Variants in ZBTB20 observed in about 807,000 individuals in gnomAD.
ZBTB20 encodes zinc finger and BTB domain-containing protein 20.
Under a neutral mutation model 56.9 loss-of-function variants are expected in ZBTB20, and 9 were observed. That is an observed-to-expected ratio of 0.16 (90% CI 0.10 to 0.28). The LOEUF (loss-of-function observed/expected upper bound fraction) is 0.28, where lower values mean the gene tolerates loss of function less well. Among genes scored for constraint, ZBTB20 ranks in the 10% least tolerant of loss-of-function variants. The pLI, the probability that ZBTB20 is intolerant of heterozygous loss-of-function variation, is 1.00. For missense variants in ZBTB20, 655 were observed against 1,003.0 expected, an observed-to-expected ratio of 0.65 and a Z score of 4.69; for synonymous variants, 417 against 420.7, an observed-to-expected ratio of 0.99 and a Z score of 0.11.
chr3:114,498,391 AAGAG>A (rs2109619218), intron 7 of ZBTB20, among the ~76,000 whole-genome samples: 1 of 152,292 alleles, frequency 6.6e-6, no homozygotes, highest in South Asian at 2.1e-4. Context: ...GAGGCCATTG[AAGAG>A]GCACTTGGAG....
intron 7 of ZBTB20, among the ~76,000 whole-genome samples, chr3:114,398,651 T>C (rs2086547584): frequency 1.3e-5 from 2 of 152,142 alleles, no homozygotes; most frequent in South Asian, 2.1e-4. Flanking sequence ...AAGTGATCCA[T>C]GAAAGGAATC....
intron 6 of ZBTB20, among the ~76,000 whole-genome samples, chr3:114,586,136 A>C (rs2055151364): frequency 6.6e-6 from 1 of 152,218 alleles, no homozygotes; most frequent in South Asian, 2.1e-4. Flanking sequence ...CATTAAGGGG[A>C]AATGGTTCCT....
intron 5 of ZBTB20, among the ~76,000 whole-genome samples, chr3:114,794,723 A>G (rs2071218548): frequency 6.6e-6 from 1 of 151,976 alleles, no homozygotes; most frequent in South Asian, 2.1e-4. Context: ...AAACAAACCA[A>G]TATCTCTATT....
At chr3:114,663,434 A>T (rs1217686738) in intron 6 of ZBTB20, among the ~76,000 whole-genome samples, 2 of 148,308 alleles carry the variant, frequency 1.3e-5, no homozygotes, top group Admixed American at 6.7e-5. Flanking sequence ...CTGCAAAATC[A>T]TGCCAAAATG....
At chr3:114,812,771 G>A (rs1171008188) in intron 4 of ZBTB20, among the ~76,000 whole-genome samples, 1 of 152,220 alleles carries the variant, frequency 6.6e-6, no homozygotes, top group African/African-American at 2.4e-5. Context: ...GGGAGGCTCG[G>A]GCCGCACAGG....
chr3:115,040,125 T>C (rs951490333), intron 2 of ZBTB20, among the ~76,000 whole-genome samples: 1 of 152,122 alleles, frequency 6.6e-6, no homozygotes, highest in Non-Finnish European at 1.5e-5. Flanking sequence ...CAAAGTTACA[T>C]ATATAATTTT....
At chr3:114,842,053 A>C (rs2074406626) in intron 4 of ZBTB20, among the ~76,000 whole-genome samples, 1 of 152,086 alleles carries the variant, frequency 6.6e-6, no homozygotes. Context: ...CTCTCTTTTG[A>C]CTCTCAAACA....
At chr3:114,578,273 G>A (rs1559986264) in intron 6 of ZBTB20, among the ~76,000 whole-genome samples, 1 of 151,988 alleles carries the variant, frequency 6.6e-6, no homozygotes, top group Non-Finnish European at 1.5e-5. Flanking sequence ...AAAAATTGTA[G>A]CAAGAAGAAT....
chr3:114,837,011 A>G (rs954090472), intron 4 of ZBTB20, among the ~76,000 whole-genome samples: 1 of 152,088 alleles, frequency 6.6e-6, no homozygotes, highest in African/African-American at 2.4e-5. Context: ...TTCTTTGCCT[A>G]TTCTGTCTCT....
intron 5 of ZBTB20, among the ~76,000 whole-genome samples, chr3:114,754,380 C>T (rs2067840452): frequency 6.6e-6 from 1 of 152,116 alleles, no homozygotes. Flanking sequence ...CCCTCTCATC[C>T]TAGTTTTGGG....
At chr3:114,903,081 T>C (rs2075183838) in intron 3 of ZBTB20, among the ~76,000 whole-genome samples, 1 of 152,102 alleles carries the variant, frequency 6.6e-6, no homozygotes, top group South Asian at 2.1e-4. Context: ...ATTTGTGTGA[T>C]CAGTGATCCA....
At position 114,329,724 on chromosome 3, in the gene ZBTB20, A is replaced by AC. The variant is rs1318053638; in HGVS notation, c.*9280_*9281insG. On this transcript the variant is annotated 3_prime_UTR_variant, in exon 12 of 12. Coordinates refer to ENST00000675478, the MANE Select transcript of ZBTB20 (RefSeq NM_001348800.3). The stretch of plus-strand genomic sequence containing the variant: ...ACTTTTTTTGGAAAAAAAAAAAAAA[A>AC]AAAAAAAAAAAAACAACTCCCAGGA... The AC allele has an allele frequency of 1.4e-4, 21 of 147,298 alleles. No individual in the cohort carries two copies. The highest frequency in any genetic ancestry group is 4.1e-4 in the African/African-American group (16 of 38,586). 9.1% of individuals were successfully genotyped at this position (147,298 alleles called of 1,614,324 possible).
At chr3:114,789,180 A>G (rs1373716621) in intron 5 of ZBTB20, among the ~76,000 whole-genome samples, 1 of 152,168 alleles carries the variant, frequency 6.6e-6, no homozygotes, top group Admixed American at 6.6e-5. Context: ...TATGTGTTCA[A>G]ATTTGGTCAT....
At chr3:114,789,965 A>G (rs980344899) in intron 5 of ZBTB20, among the ~76,000 whole-genome samples, 7 of 152,136 alleles carry the variant, frequency 4.6e-5, no homozygotes, top group Non-Finnish European at 2.9e-5. Flanking sequence ...GTAAACATTT[A>G]TCTTATACAC....
chr3:114,913,283 G>A (rs759198494), intron 3 of ZBTB20, among the ~76,000 whole-genome samples: 6 of 151,950 alleles, frequency 3.9e-5, no homozygotes, highest in Non-Finnish European at 8.8e-5. Flanking sequence ...ATTTTAACGG[G>A]AGTTAGATGA....
At chr3:114,498,150 C>G (rs2043501191) in intron 7 of ZBTB20, among the ~76,000 whole-genome samples, 1 of 152,122 alleles carries the variant, frequency 6.6e-6, no homozygotes, top group African/African-American at 2.4e-5. Flanking sequence ...TTATAAGAAC[C>G]AAGTTTCCCA....
chr3:114,872,744 C>T (rs2076058230), intron 4 of ZBTB20, among the ~76,000 whole-genome samples: 1 of 152,028 alleles, frequency 6.6e-6, no homozygotes, highest in Admixed American at 6.6e-5. Context: ...TTGGTTATGA[C>T]TTGCTCAGCT....
intron 6 of ZBTB20, among the ~76,000 whole-genome samples, chr3:114,637,895 T>G (rs2059360456): frequency 6.6e-6 from 1 of 152,102 alleles, no homozygotes; most frequent in Non-Finnish European, 1.5e-5. Flanking sequence ...GCTTCTTCCA[T>G]AAATTAATTT....
At position 115,048,065 on chromosome 3, in the gene ZBTB20, CA is replaced by C. The variant is rs1223104866; in HGVS notation, c.-507+23153del. On this transcript the variant is annotated intron_variant, in intron 2 of 11. Transcript: ENST00000675478. Reference sequence around the variant, plus strand: ...GAAACCCCAGTCTCTACTAAAAATACAAAAAAAAAATTGGCCGGGCGTGGTG... The same window carrying C: ...GAAACCCCAGTCTCTACTAAAAATACAAAAAAAAATTGGCCGGGCGTGGTG... Among the ~76,000 whole-genome samples, 240 of 145,636 alleles carry C rather than the reference CA, an allele frequency of 1.6e-3. 4 individuals carry two copies. Among genetic ancestry groups the C allele is most frequent in the Non-Finnish European group, 5.0e-4 (33 of 65,882 alleles).
Sources: allele counts gnomAD v4.1 joint callset (sites outside exome capture counted in the v4.1 genomes callset), GRCh38; gene constraint gnomAD v4.1.1; transcripts MANE v1.5; gene names NCBI Gene and HGNC (gene_info 2026-07-23, HGNC 2026-07-21).